FRAS1: variants seen among roughly 807,000 people sequenced by gnomAD.
FRAS1 encodes extracellular matrix organizing protein FRAS1.
A neutral mutation model predicts 435.2 loss-of-function variants in FRAS1; 290 were observed. The observed-to-expected ratio is 0.67, with a 90% CI of 0.61 to 0.73. FRAS1 has a LOEUF of 0.73. FRAS1 is among the 30% of genes least tolerant of loss of function. The pLI, the probability that FRAS1 is intolerant of heterozygous loss-of-function variation, is 0.00. For missense variants in FRAS1, 4,860 were observed against 5,001.5 expected, an observed-to-expected ratio of 0.97 and a Z score of 0.85; for synonymous variants, 1,800 against 1,851.0, an observed-to-expected ratio of 0.97 and a Z score of 0.71.
intron 2 of FRAS1, among the ~76,000 whole-genome samples, chr4:78,088,181 G>A (rs1741303205): frequency 6.6e-6 from 1 of 152,148 alleles, no homozygotes; most frequent in African/African-American, 2.4e-5. Context: ...ATGGGGAAAG[G>A]ATTCCCTATT....
Position 78,400,756 on chromosome 4 carries a change from T to C in FRAS1, c.3998T>C (p.Val1333Ala), listed in dbSNP as rs773232259. The C allele has an allele frequency of 1.9e-5, 31 of 1,612,986 alleles. No homozygotes were observed. The South Asian group carries it at 3.0e-4, about 15-fold the overall frequency. ...VPQNDRGLQL[V>A]ANSMVWVPEG... ...CAGAATGACAGGGGTCTTCAGCTTGTGGCTAATTCGATGGTGTGGGTTCCA... is the reference window on the plus strand; with the variant it reads ...CAGAATGACAGGGGTCTTCAGCTTGCGGCTAATTCGATGGTGTGGGTTCCA... The change falls in exon 30 of 74, where the codon GTG (valine) becomes GCG (alanine). Residue 1333 changes from valine (V) to alanine (A), a missense_variant. By Grantham distance (64) the Val-to-Ala change is moderately conservative. Transcript: ENST00000512123.
chr4:78,216,719 C>T (rs1348446991), intron 2 of FRAS1, among the ~76,000 whole-genome samples: 7 of 151,884 alleles, frequency 4.6e-5, no homozygotes, highest in Admixed American at 3.3e-4. Flanking sequence ...TGCCATGAAG[C>T]GAAATGGAAA....
Position 78,254,546 on chromosome 4 carries a change from G to A in FRAS1, c.470-696G>A, listed in dbSNP as rs1302651610. Among the ~76,000 whole-genome samples the A allele has an allele frequency of 2.0e-5, 3 of 152,292 alleles. No individual in the cohort carries two copies. The East Asian group carries it at 5.8e-4, about 29-fold the overall frequency. On this transcript the variant is annotated intron_variant, in intron 5 of 73. Coordinates refer to ENST00000512123, the MANE Select transcript of FRAS1 (RefSeq NM_025074.7). ...ACAAGTGAAAATACTTGGAACAACAGAGTTGGGGGTGGTGTGGGGAGTAGG... is the reference window on the plus strand; with the variant it reads ...ACAAGTGAAAATACTTGGAACAACAAAGTTGGGGGTGGTGTGGGGAGTAGG...
intron 2 of FRAS1, among the ~76,000 whole-genome samples, chr4:78,070,281 C>T (rs1485692520): frequency 6.6e-6 from 1 of 151,640 alleles, no homozygotes; most frequent in African/African-American, 2.4e-5. Flanking sequence ...ATATACCTCC[C>T]CCCACTTTGT....
chr4:78,383,016 C>T (rs2110323991), intron 27 of FRAS1, among the ~76,000 whole-genome samples: 1 of 152,260 alleles, frequency 6.6e-6, no homozygotes, highest in African/African-American at 2.4e-5. Flanking sequence ...ACAATGGTCC[C>T]TCTAGTAGAC....
rs570431486 is a variant in FRAS1, at chr4:78,327,964, G to A, written c.2138-5308G>A. Among the ~76,000 whole-genome samples the A allele has an allele frequency of 1.8e-4, 27 of 152,256 alleles. 1 individual carries two copies. Among genetic ancestry groups the A allele is most frequent in the Non-Finnish European group, 2.9e-4 (20 of 68,022 alleles). On this transcript the variant is annotated intron_variant, in intron 18 of 73. Transcript: ENST00000512123. ...TACTTTAAGAGGATTGTCATCCAGC[G>A]TATTCTTTTCCCTCTGTACCCACAG...
rs761456880 is a variant in FRAS1, at chr4:78,475,505, T to C, written c.7750T>C (p.Tyr2584His). 1 of 1,613,904 alleles carries C rather than the reference T, an allele frequency of 6.2e-7. No homozygotes were observed. The highest frequency in any genetic ancestry group is 8.5e-7 in the Non-Finnish European group (1 of 1,179,834). Residue 2584 changes from tyrosine (Y) to histidine (H), a missense_variant, in exon 54 of 74, where the codon TAT becomes CAT. Transcript: ENST00000512123. ...TVQRTGNLNQ[Y>H]AIVLCRTEQG... ...GCAGAGGACTGGGAACCTGAACCAA[T>C]ATGCCATCGTCCTGTGTCGCACCGA... is the stretch of plus-strand genomic sequence containing the variant.
rs776528593 is a variant in FRAS1, at chr4:78,133,953, G to GTT, written c.108+67948_108+67949dup. Among the ~76,000 whole-genome samples the GTT allele has an allele frequency of 2.5e-3, 330 of 133,878 alleles. 9 individuals are homozygous for GTT. Among genetic ancestry groups the GTT allele is most frequent in the African/African-American group, 8.2e-3 (294 of 35,794 alleles). 87.8% of individuals were successfully genotyped at this position (133,878 alleles called of 152,430 possible). A position where few individuals can be genotyped will look rare whatever the true frequency, so the allele number is the denominator to read the frequency against. ...AGGTGAGGGAGCTGAGATGGACTAG[G>GTT]TTTTTTTTTTTTGTTTTTTTTTTTG... On this transcript the variant is annotated intron_variant, in intron 2 of 73. Coordinates refer to ENST00000512123, the MANE Select transcript of FRAS1 (RefSeq NM_025074.7).
At chr4:78,510,526 G>A (rs1372662538) in intron 63 of FRAS1, among the ~76,000 whole-genome samples, 2 of 152,176 alleles carry the variant, frequency 1.3e-5, no homozygotes, top group African/African-American at 2.4e-5. Flanking sequence ...ATAAGTTTGT[G>A]TGATTGCTTT....
At chr4:78,265,734 AT>A (rs1420180165) in intron 7 of FRAS1, among the ~76,000 whole-genome samples, 1 of 152,206 alleles carries the variant, frequency 6.6e-6, no homozygotes, top group East Asian at 1.9e-4. Flanking sequence ...AAAAGGTTAC[AT>A]TACTCAAAAG....
rs757238425 is a variant in FRAS1 at position 78,522,789 on chromosome 4, G to T, written c.10789G>T (p.Ala3597Ser). 6 of 1,610,570 alleles carry T rather than the reference G, an allele frequency of 3.7e-6. No homozygotes were observed. The highest frequency in any genetic ancestry group is 1.7e-5 in the Admixed American group (1 of 59,524). ...TFDSPHQLWR[A>S]TSSYNRKDYS... Reference sequence around the variant, plus strand: ...TGATTCTCCACATCAACTCTGGAGAGCCACAAGCTCTTATAACAGGTAAAT... The same window carrying T: ...TGATTCTCCACATCAACTCTGGAGATCCACAAGCTCTTATAACAGGTAAAT... Residue 3597 changes from alanine to serine, a missense_variant, in exon 69 of 74, where the codon GCC (alanine) becomes TCC (serine). Physicochemically the swap from Ala to Ser is moderately conservative, Grantham distance 99 (BLOSUM62 1). Coordinates refer to ENST00000512123, the MANE Select transcript of FRAS1 (RefSeq NM_025074.7).
intron 6 of FRAS1, among the ~76,000 whole-genome samples, chr4:78,255,675 C>T (rs537387133): frequency 2.6e-5 from 4 of 152,328 alleles, no homozygotes; most frequent in Admixed American, 2.6e-4. Context: ...AGCTAAACAT[C>T]TGCAAAATTC....
chr4:78,233,921 A>G (rs547606247), intron 2 of FRAS1, among the ~76,000 whole-genome samples: 1 of 152,200 alleles, frequency 6.6e-6, no homozygotes, highest in East Asian at 1.9e-4. Flanking sequence ...GTTGACATGT[A>G]TGTAAGGGCT....
chr4:78,339,790 T>C (rs1730331050), intron 20 of FRAS1, among the ~76,000 whole-genome samples: 2 of 152,232 alleles, frequency 1.3e-5, no homozygotes, highest in South Asian at 4.1e-4. Context: ...GACTAGATTT[T>C]GTGAGCAATA....
chr4:78,137,377 G>T (rs1252118530), intron 2 of FRAS1, among the ~76,000 whole-genome samples: 1 of 152,086 alleles, frequency 6.6e-6, no homozygotes, highest in Non-Finnish European at 1.5e-5. Context: ...GTTGGTGTGT[G>T]TATATAAATA....
At chr4:78,292,594 T>G (rs1248872921) in intron 14 of FRAS1, among the ~76,000 whole-genome samples, 1 of 152,116 alleles carries the variant, frequency 6.6e-6, no homozygotes, top group East Asian at 1.9e-4. Context: ...GGTCTTGGTG[T>G]TGTGTTCCAA....
chr4:78,450,532 G>A lies in FRAS1; in HGVS notation c.6463+193G>A, dbSNP rs974527003. 8.7e-6 allele frequency: 5 copies of A among 571,990 alleles called. No individual in the cohort carries two copies. In the Middle Eastern group the frequency reaches 1.4e-3, roughly 159 times the overall value. The allele number at this position is 571,990 out of a possible 1,614,324, so 35.4% of individuals were successfully genotyped here. A position where few individuals can be genotyped will look rare whatever the true frequency, so the allele number is the denominator to read the frequency against. On this transcript the variant is annotated intron_variant, in intron 45 of 73. Coordinates refer to ENST00000512123, the MANE Select transcript of FRAS1 (RefSeq NM_025074.7). ...TAAAAAAGCCCTATCTTTCTTGGTT[G>A]AAATGTGTTCATGCTTTGACTTAGC...
chr4:78,268,382 T>C (rs972672261), intron 9 of FRAS1, among the ~76,000 whole-genome samples: 4 of 152,210 alleles, frequency 2.6e-5, no homozygotes, highest in Non-Finnish European at 5.9e-5. Flanking sequence ...CATATTTAGG[T>C]AAAGAGGGTC....
At chr4:78,275,969 G>T (rs1265281471) in intron 9 of FRAS1, among the ~76,000 whole-genome samples, 3 of 152,028 alleles carry the variant, frequency 2.0e-5, no homozygotes, top group African/African-American at 7.2e-5. Context: ...ACATAGATTT[G>T]GTCTTTTCAC....
Sources: allele counts gnomAD v4.1 joint callset (sites outside exome capture counted in the v4.1 genomes callset), GRCh38; gene constraint gnomAD v4.1.1; transcripts MANE v1.5; gene names NCBI Gene and HGNC (gene_info 2026-07-23, HGNC 2026-07-21).